SQOR: variants seen among roughly 807,000 people sequenced by gnomAD.
SQOR encodes sulfide:quinone oxidoreductase, mitochondrial.
SQOR carries 39 observed loss-of-function variants against 48.6 expected under a neutral mutation model. That is an observed-to-expected ratio of 0.80 (90% CI 0.62 to 1.05). The LOEUF is 1.05. Among genes scored for constraint, SQOR ranks in the 50% least tolerant of loss-of-function variants. The probability of loss-of-function intolerance (pLI) is 0.00; values close to 1 mark genes in which losing one functional copy is unlikely to be tolerated. For missense variants in SQOR, 561 were observed against 559.9 expected, an observed-to-expected ratio of 1.00 and a Z score of -0.02; for synonymous variants, 220 against 206.2, an observed-to-expected ratio of 1.07 and a Z score of -0.57.
At chr15:45,639,002 G>C (rs1008071406) in intron 1 of SQOR, among the ~76,000 whole-genome samples, 4 of 152,182 alleles carry the variant, frequency 2.6e-5, no homozygotes, top group African/African-American at 9.7e-5. Flanking sequence ...ACTTCATCTA[G>C]TCTATAGTGT....
intron 3 of SQOR, among the ~76,000 whole-genome samples, chr15:45,666,499 C>A (rs1889819426): frequency 6.6e-6 from 1 of 152,026 alleles, no homozygotes; most frequent in African/African-American, 2.4e-5. Context: ...TACCTAGATA[C>A]CTTATGAAGT....
intron 7 of SQOR, among the ~76,000 whole-genome samples, chr15:45,683,141 C>T (rs547216670): frequency 6.6e-6 from 1 of 152,076 alleles, no homozygotes; most frequent in Non-Finnish European, 1.5e-5. Context: ...ATGATCTTAT[C>T]TACCTTTTCT....
intron 1 of SQOR, among the ~76,000 whole-genome samples, chr15:45,645,412 G>A (rs963135924): frequency 1.3e-5 from 2 of 152,144 alleles, no homozygotes; most frequent in African/African-American, 4.8e-5. Flanking sequence ...TTGGTCAAAC[G>A]GTATTCTGGG....
intron 3 of SQOR, among the ~76,000 whole-genome samples, chr15:45,662,563 A>G (rs1039064820): frequency 3.3e-5 from 5 of 152,148 alleles, no homozygotes; most frequent in African/African-American, 1.2e-4. Flanking sequence ...GGGGCGCTCT[A>G]CCAGAACTGT....
chr15:45,672,948 C>T (rs895112230), intron 4 of SQOR, among the ~76,000 whole-genome samples: 1 of 129,942 alleles, frequency 7.7e-6, no homozygotes, highest in Non-Finnish European at 1.7e-5. Flanking sequence ...TGGGCCTGCT[C>T]CCAGTTTCTG....
At chr15:45,636,748 C>T (rs1475341120) in intron 1 of SQOR, among the ~76,000 whole-genome samples, 1 of 152,068 alleles carries the variant, frequency 6.6e-6, no homozygotes, top group Non-Finnish European at 1.5e-5. Context: ...ATTGCCAATA[C>T]TGCTGTGGTT....
chr15:45,636,211 A>G (rs1034078713), intron 1 of SQOR, among the ~76,000 whole-genome samples: 3 of 152,168 alleles, frequency 2.0e-5, no homozygotes, highest in African/African-American at 7.2e-5. Context: ...TCAAAACATT[A>G]AAAGAATTTA....
Position 45,669,958 on chromosome 15 carries a change from G to A in SQOR, c.436G>A (p.Gly146Arg), listed in dbSNP as rs779536399. ...CTACCGATATCTTATTATTGCTCTC[G>A]GAATCCAGCTGGACTATGAGAAGGT... ...ISYRYLIIALGIQLDYEKIKG... is the reference protein window; with the variant it reads ...ISYRYLIIALRIQLDYEKIKG... The change falls in exon 4 of 10, where the codon GGA (glycine) becomes AGA (arginine). Residue 146 changes from glycine (G) to arginine (R), a missense_variant. By Grantham distance (125) the Gly-to-Arg change is moderately radical (BLOSUM62 -2). Coordinates refer to ENST00000260324, the MANE Select transcript of SQOR (RefSeq NM_021199.4). 4.3e-6 allele frequency: 7 copies of A among 1,613,878 alleles called. No individual in the cohort carries two copies. Among genetic ancestry groups the A allele is most frequent in the African/African-American group, 1.3e-5 (1 of 74,870 alleles).
chr15:45,652,638 C>CAT (rs1889515566), intron 1 of SQOR, among the ~76,000 whole-genome samples: 1 of 60,302 alleles, frequency 1.7e-5, no homozygotes, highest in South Asian at 6.5e-4. Flanking sequence ...CGTGAGCCTC[C>CAT]TTTTTTTTTT....
chr15:45,678,375 C>T (rs528208390), intron 6 of SQOR, among the ~76,000 whole-genome samples: 3 of 152,292 alleles, frequency 2.0e-5, no homozygotes, highest in South Asian at 2.1e-4. Context: ...ATTCTTTCAG[C>T]GAGAGTCTTT....
chr15:45,636,941 G>A (rs1895016528), intron 1 of SQOR, among the ~76,000 whole-genome samples: 1 of 151,872 alleles, frequency 6.6e-6, no homozygotes, highest in South Asian at 2.1e-4. Context: ...CTTGGCTTCT[G>A]GGCTTGACAC....
chr15:45,669,562 T>C (rs1301241096), intron 3 of SQOR, among the ~76,000 whole-genome samples: 1 of 152,200 alleles, frequency 6.6e-6, no homozygotes, highest in Non-Finnish European at 1.5e-5. Context: ...ACTGTACAAA[T>C]AATTGTGGCC....
At chr15:45,635,686 A>T (rs117168857) in intron 1 of SQOR, among the ~76,000 whole-genome samples, 3 of 152,128 alleles carry the variant, frequency 2.0e-5, no homozygotes, top group Non-Finnish European at 4.4e-5. Flanking sequence ...TGTCTCTTTT[A>T]TTTATCAAAA....
At chr15:45,685,029 T>G (rs1890196766) in intron 7 of SQOR, among the ~76,000 whole-genome samples, 4 of 152,210 alleles carry the variant, frequency 2.6e-5, no homozygotes, top group Admixed American at 2.6e-4. Context: ...CCATTTTTAT[T>G]CAAACAGTAC....
At chr15:45,663,737 G>GT (rs2140950458) in intron 3 of SQOR, among the ~76,000 whole-genome samples, 1 of 152,052 alleles carries the variant, frequency 6.6e-6, no homozygotes, top group Non-Finnish European at 1.5e-5. Flanking sequence ...ACTGCACTCC[G>GT]TCTTAGGTGA....
At chr15:45,657,564 A>G (rs1889633851) in intron 1 of SQOR, among the ~76,000 whole-genome samples, 1 of 152,090 alleles carries the variant, frequency 6.6e-6, no homozygotes, top group South Asian at 2.1e-4. Flanking sequence ...CAGATCTGAA[A>G]TATTGAAGAA....
In SQOR at chr15:45,673,748, T is replaced by C; in HGVS notation, c.601T>C (p.Cys201Arg). The C allele has an allele frequency of 6.2e-7, 1 of 1,614,162 alleles. No homozygotes were observed. The highest frequency in any genetic ancestry group is 8.5e-7 in the Non-Finnish European group (1 of 1,180,026). ...CACCTTCCCAAATACTCCAGTGAAG[T>C]GTGCTGGAGCCCCTCAGAAGATCAT... is the stretch of plus-strand genomic sequence containing the variant. ...IFTFPNTPVKCAGAPQKIMYL... is the reference protein window; with the variant it reads ...IFTFPNTPVKRAGAPQKIMYL... Residue 201 changes from cysteine to arginine, a missense_variant, in exon 5 of 10, where the codon TGT (cysteine) becomes CGT (arginine). Physicochemically the swap from Cys to Arg is radical, Grantham distance 180 (BLOSUM62 -3). Coordinates refer to ENST00000260324, the MANE Select transcript of SQOR (RefSeq NM_021199.4).
At chr15:45,654,441 A>T (rs1335959356) in intron 1 of SQOR, among the ~76,000 whole-genome samples, 3 of 152,240 alleles carry the variant, frequency 2.0e-5, no homozygotes, top group Non-Finnish European at 4.4e-5. Flanking sequence ...GATGTCAATA[A>T]ATCTGGTTCA....
At chr15:45,663,593 C>T (rs1889758750) in intron 3 of SQOR, among the ~76,000 whole-genome samples, 1 of 151,892 alleles carries the variant, frequency 6.6e-6, no homozygotes, top group African/African-American at 2.4e-5. Flanking sequence ...TAGTAAGACC[C>T]TGTCTCTACA....
Sources: gnomAD v4.1 joint callset for allele counts (sites outside exome capture counted in the v4.1 genomes callset) on GRCh38, gnomAD v4.1.1 for gene constraint, MANE v1.5 for transcripts, NCBI Gene and HGNC (gene_info 2026-07-23, HGNC 2026-07-21) for gene names.